IFNA17: variants seen among roughly 807,000 people sequenced by gnomAD.
IFNA17 encodes the protein interferon alpha-17.
For missense variants in IFNA17, 285 were observed against 212.7 expected (o/e 1.34, Z -2.11); for synonymous variants, 107 against 80.5 (o/e 1.33, Z -1.76).
rs770580113 is a variant in IFNA17, at chr9:21,227,918, G to C, written c.256C>G (p.Gln86Glu). Residue 86 changes from glutamine (Q) to glutamate (E), a missense_variant, in exon 1 of 1, where the codon CAG becomes GAG. Coordinates refer to ENST00000413767, the MANE Select transcript of IFNA17 (RefSeq NM_021268.2). The stretch of plus-strand genomic sequence containing the variant: ...TCTGTGCTGAAGAGATTGAAGGTCT[G>C]CTGGATCATCTCATGGAGGACAGAG... Reference protein sequence around the residue: ...AISVLHEMIQQTFNLFSTEDS... With the variant: ...AISVLHEMIQETFNLFSTEDS... The C allele has an allele frequency of 2.5e-5, 41 of 1,613,742 alleles. No homozygotes were observed. The highest frequency in any genetic ancestry group is 3.4e-5 in the Non-Finnish European group (40 of 1,179,874).
At position 21,227,530 on chromosome 9, in the gene IFNA17, T is replaced by C; in HGVS notation, c.*74A>G. On this transcript the variant is annotated 3_prime_UTR_variant, in exon 1 of 1. Coordinates refer to ENST00000413767, the MANE Select transcript of IFNA17 (RefSeq NM_021268.2). The stretch of plus-strand genomic sequence containing the variant: ...CGTGGTGGTTATAGAAGTGAGTCTT[T>C]GAAATGGAGGAACTCATGAAAGTGT... 6.3e-7 allele frequency: 1 copy of C among 1,580,696 alleles called. No homozygotes were observed. Among genetic ancestry groups the C allele is most frequent in the Non-Finnish European group, 8.6e-7 (1 of 1,167,610 alleles).
Position 21,227,947 on chromosome 9 carries a change from G to T in IFNA17, c.227C>A (p.Ala76Asp). 6.2e-7 allele frequency: 1 copy of T among 1,613,948 alleles called. No individual in the cohort carries two copies. The highest frequency in any genetic ancestry group is 1.3e-5 in the African/African-American group (1 of 75,006). ...GATCATCTCATGGAGGACAGAGATG[G>T]CTTGAGTCTTCTGGAACTGGTTGCC... The part of the protein sequence containing the change: ...FDGNQFQKTQ[A>D]ISVLHEMIQQ... The change falls in exon 1 of 1, where the codon GCC becomes GAC. Residue 76 changes from alanine (A) to aspartate (D), a missense_variant. Ala to Asp is a moderately radical substitution (Grantham distance 126). Transcript: ENST00000413767.
rs1307140649 is a variant in IFNA17, at chr9:21,227,308, T to C, written c.*296A>G. 6.1e-6 allele frequency: 1 copy of C among 163,048 alleles called. No individual in the cohort carries two copies. The highest frequency in any genetic ancestry group is 1.3e-5 in the Non-Finnish European group (1 of 74,822). 10.1% of individuals were successfully genotyped at this position (163,048 alleles called of 1,614,324 possible). A position where few individuals can be genotyped will look rare whatever the true frequency, so the allele number is the denominator to read the frequency against. On this transcript the variant is annotated 3_prime_UTR_variant, in exon 1 of 1. Coordinates refer to ENST00000413767, the MANE Select transcript of IFNA17 (RefSeq NM_021268.2). ...GCTAAATATGAAGAACATATATTGT[T>C]ACATTCACCACAATGTAAAGGTACA...
In IFNA17 at chr9:21,228,048, T is replaced by C. The variant is rs1563820770; in HGVS notation, c.126A>G (p.Ala42=). 5.0e-6 allele frequency: 8 copies of C among 1,614,102 alleles called. No individual in the cohort carries two copies. Among genetic ancestry groups the C allele is most frequent in the Non-Finnish European group, 5.9e-6 (7 of 1,180,028 alleles). ...AGAAAGGAGAGATTCTTCCCATTTG[T>C]GCCAGGAGTATCAAGGCCCTCCTAT... The part of the protein sequence containing the change: ...LGNRRALILL[A]QMGRISPFSC... The change falls in exon 1 of 1, where the codon GCA becomes GCG. Residue 42 remains alanine (A), a synonymous_variant. Coordinates refer to ENST00000413767, the MANE Select transcript of IFNA17 (RefSeq NM_021268.2).
At position 21,227,561 on chromosome 9, in the gene IFNA17, A is replaced by G. The variant is rs1399068769; in HGVS notation, c.*43T>C. ...GGAGGAACTCATGAAAGTGTGAGAT[A>G]ATGTATTAGTCAATCAGGATCATTG... On this transcript the variant is annotated 3_prime_UTR_variant, in exon 1 of 1. Coordinates refer to ENST00000413767, the MANE Select transcript of IFNA17 (RefSeq NM_021268.2). The G allele has an allele frequency of 1.2e-6, 2 of 1,601,618 alleles. No individual in the cohort carries two copies. Among genetic ancestry groups the G allele is most frequent in the Non-Finnish European group, 1.7e-6 (2 of 1,176,244 alleles).
chr9:21,227,605 C>G lies in IFNA17; in HGVS notation c.569G>C (p.Ter190SerextTer11), dbSNP rs1308156386. Residue 190 changes from the stop codon to serine, a stop_lost, in exon 1 of 1, where the codon TGA becomes TCA. Coordinates refer to ENST00000413767, the MANE Select transcript of IFNA17 (RefSeq NM_021268.2). The part of the protein sequence containing the change: ...NLQKILRRKD[*>S] ...ATCATTGCCATGTTGAACCAGTTTT[C>G]AATCCTTCCTCCTTAATATTTTTTG... 2 of 1,611,736 alleles carry G rather than the reference C, an allele frequency of 1.2e-6. No individual in the cohort carries two copies. Among genetic ancestry groups the G allele is most frequent in the African/African-American group, 1.3e-5 (1 of 74,826 alleles).
At position 21,227,906 on chromosome 9, in the gene IFNA17, G is replaced by C. The variant is rs1268775921; in HGVS notation, c.268C>G (p.Leu90Val). Residue 90 changes from leucine to valine, a missense_variant, in exon 1 of 1, where the codon CTC becomes GTC. Physicochemically the swap from Leu to Val is conservative, Grantham distance 32. Coordinates refer to ENST00000413767, the MANE Select transcript of IFNA17 (RefSeq NM_021268.2). ...GCAGATGAGTCCTCTGTGCTGAAGAGATTGAAGGTCTGCTGGATCATCTCA... is the reference window on the plus strand; with the variant it reads ...GCAGATGAGTCCTCTGTGCTGAAGACATTGAAGGTCTGCTGGATCATCTCA... The part of the protein sequence containing the change: ...LHEMIQQTFN[L>V]FSTEDSSAAW... 2 of 1,613,858 alleles carry C rather than the reference G, an allele frequency of 1.2e-6. No homozygotes were observed. Among genetic ancestry groups the C allele is most frequent in the Admixed American group, 3.3e-5 (2 of 59,994 alleles).
chr9:21,227,855 T>A, the IFNA17 span: 1 of 1,613,690 alleles, frequency 6.2e-7, no homozygotes, highest in South Asian at 1.1e-5. Context: ...GTGGAAAATT[T>A]TTCTAGGAGG....
Position 21,227,820 on chromosome 9 carries a change from G to T in IFNA17, c.354C>A (p.Asn118Lys), listed in dbSNP as rs745899948. 18 of 1,613,728 alleles carry T rather than the reference G, an allele frequency of 1.1e-5. No homozygotes were observed. The highest frequency in any genetic ancestry group is 1.5e-5 in the Non-Finnish European group (18 of 1,179,920). The change falls in exon 1 of 1, where the codon AAC (asparagine) becomes AAA (lysine). Residue 118 changes from asparagine to lysine, a missense_variant. By Grantham distance (94) the Asn-to-Lys change is moderately conservative. Coordinates refer to ENST00000413767, the MANE Select transcript of IFNA17 (RefSeq NM_021268.2). ...FSTELYQQLN[N>K]LEACVIQEVG... is the part of the protein sequence containing the mutation. ...CCTCCTGTATCACACATGCTTCCAG[G>T]TTATTCAGTTGCTGGTAAAGTTCAG...
Position 21,227,978 on chromosome 9 carries a change from A to C in IFNA17, c.196T>G (p.Phe66Val), listed in dbSNP as rs1563820660. 1 of 1,613,910 alleles carries C rather than the reference A, an allele frequency of 6.2e-7. No homozygotes were observed. Among genetic ancestry groups the C allele is most frequent in the Admixed American group, 1.7e-5 (1 of 59,964 alleles). Residue 66 changes from phenylalanine to valine, a missense_variant, in exon 1 of 1, where the codon TTT (phenylalanine) becomes GTT (valine). Phe to Val is a conservative substitution (Grantham distance 50). Coordinates refer to ENST00000413767, the MANE Select transcript of IFNA17 (RefSeq NM_021268.2). ...GTCTTCTGGAACTGGTTGCCATCAA[A>C]CTCCTCCTGGGGAAGTCCAAAGTCA... ...RHDFGLPQEE[F>V]DGNQFQKTQA... is the part of the protein sequence containing the mutation.
rs1480543524 is a variant in IFNA17 at position 21,227,848 on chromosome 9, G to T, written c.326C>A (p.Ser109Tyr). 19 of 1,613,586 alleles carry T rather than the reference G, an allele frequency of 1.2e-5. No individual in the cohort carries two copies. Among genetic ancestry groups the T allele is most frequent in the Non-Finnish European group, 1.6e-5 (19 of 1,179,888 alleles). The change falls in exon 1 of 1, where the codon TCC (serine) becomes TAC (tyrosine). Residue 109 changes from serine to tyrosine, a missense_variant. Coordinates refer to ENST00000413767, the MANE Select transcript of IFNA17 (RefSeq NM_021268.2). ...ATTCAGTTGCTGGTAAAGTTCAGTG[G>T]AAAATTTTTCTAGGAGGCTCTGTTC... ...AWEQSLLEKFSTELYQQLNNL... is the reference protein window; with the variant it reads ...AWEQSLLEKFYTELYQQLNNL...
In IFNA17 at chr9:21,228,105, G is replaced by T. The variant is rs1818654848; in HGVS notation, c.69C>A (p.Gly23=). 1.4e-5 allele frequency: 22 copies of T among 1,613,998 alleles called. No individual in the cohort carries two copies. The highest frequency in any genetic ancestry group is 1.9e-5 in the Non-Finnish European group (22 of 1,180,022). The change falls in exon 1 of 1, where the codon GGC becomes GGA. Residue 23 remains glycine (G), a synonymous_variant. Coordinates refer to ENST00000413767, the MANE Select transcript of IFNA17 (RefSeq NM_021268.2). ...GGCTGTGGGTCTGAGGCAGATCACA[G>T]CCTAGAGAACAGATGGATTTGTAGC... ...VLSYKSICSL[G]CDLPQTHSLG... is the part of the protein sequence containing the mutation.
rs916061237 is a variant in IFNA17, at chr9:21,227,249, T to C, written c.*355A>G. On this transcript the variant is annotated 3_prime_UTR_variant, in exon 1 of 1. Transcript: ENST00000413767. ...AACAAACACAAGAAATTTTGTATAG[T>C]AAAAATTTAATGAAAAAGGAAATTA... 2.0e-5 allele frequency: 3 copies of C among 152,648 alleles called. No homozygotes were observed. Among genetic ancestry groups the C allele is most frequent in the Non-Finnish European group, 2.9e-5 (2 of 68,406 alleles). The allele number at this position is 152,648 out of a possible 1,614,324, so 9.5% of individuals were successfully genotyped here.
At position 21,228,028 on chromosome 9, in the gene IFNA17, G is replaced by T. The variant is rs142331961; in HGVS notation, c.146C>A (p.Pro49His). 1.2e-4 allele frequency: 193 copies of T among 1,613,876 alleles called. 1 individual carries two copies. Among genetic ancestry groups the T allele is most frequent in the East Asian group, 4.5e-4 (20 of 44,846 alleles). ...ATGTCTGTCCTTCAGGCAGGAGAAA[G>T]GAGAGATTCTTCCCATTTGTGCCAG... ...ILLAQMGRIS[P>H]FSCLKDRHDF... The change falls in exon 1 of 1, where the codon CCT becomes CAT. Residue 49 changes from proline to histidine, a missense_variant. By Grantham distance (77) the Pro-to-His change is moderately conservative. Transcript: ENST00000413767.
Position 21,227,447 on chromosome 9 carries a change from C to T in IFNA17, c.*157G>A. 9.4e-7 allele frequency: 1 copy of T among 1,060,452 alleles called. No individual in the cohort carries two copies. The highest frequency in any genetic ancestry group is 1.6e-5 in the South Asian group (1 of 60,896). The allele number at this position is 1,060,452 out of a possible 1,614,324, so 65.7% of individuals were successfully genotyped here. On this transcript the variant is annotated 3_prime_UTR_variant, in exon 1 of 1. Transcript: ENST00000413767. Reference sequence around the variant, plus strand: ...CATCTGTAAAGTACTAGTGCCTGCACAGGTATACACGACGCTTCTTTACAC... The same window carrying T: ...CATCTGTAAAGTACTAGTGCCTGCATAGGTATACACGACGCTTCTTTACAC...
In IFNA17 at chr9:21,227,971, C is replaced by T. The variant is rs149908829; in HGVS notation, c.203G>A (p.Gly68Asp). The change falls in exon 1 of 1, where the codon GGC (glycine) becomes GAC (aspartate). Residue 68 changes from glycine (G) to aspartate (D), a missense_variant. By Grantham distance (94) the Gly-to-Asp change is moderately conservative (BLOSUM62 -1). Coordinates refer to ENST00000413767, the MANE Select transcript of IFNA17 (RefSeq NM_021268.2). ...DFGLPQEEFD[G>D]NQFQKTQAIS... is the part of the protein sequence containing the mutation. Reference sequence around the variant, plus strand: ...GGCTTGAGTCTTCTGGAACTGGTTGCCATCAAACTCCTCCTGGGGAAGTCC... The same window carrying T: ...GGCTTGAGTCTTCTGGAACTGGTTGTCATCAAACTCCTCCTGGGGAAGTCC... 2.5e-6 allele frequency: 4 copies of T among 1,613,810 alleles called. No individual in the cohort carries two copies. The highest frequency in any genetic ancestry group is 3.4e-6 in the Non-Finnish European group (4 of 1,179,960).
Position 21,227,436 on chromosome 9 carries a change from T to G in IFNA17, c.*168A>C, listed in dbSNP as rs1347340715. On this transcript the variant is annotated 3_prime_UTR_variant, in exon 1 of 1. Coordinates refer to ENST00000413767, the MANE Select transcript of IFNA17 (RefSeq NM_021268.2). Reference sequence around the variant, plus strand: ...ATCAGCATGGTCATCTGTAAAGTACTAGTGCCTGCACAGGTATACACGACG... The same window carrying G: ...ATCAGCATGGTCATCTGTAAAGTACGAGTGCCTGCACAGGTATACACGACG... 6 of 868,362 alleles carry G rather than the reference T, an allele frequency of 6.9e-6. No individual in the cohort carries two copies. Among genetic ancestry groups the G allele is most frequent in the Non-Finnish European group, 1.1e-5 (6 of 564,700 alleles). 53.8% of individuals were successfully genotyped at this position (868,362 alleles called of 1,614,324 possible).
In IFNA17 at chr9:21,228,070, C is replaced by G; in HGVS notation, c.104G>C (p.Arg35Thr). ...DLPQTHSLGN[R>T]RALILLAQMG... The stretch of plus-strand genomic sequence containing the variant: ...TTGTGCCAGGAGTATCAAGGCCCTC[C>G]TATTACCCAGGCTGTGGGTCTGAGG... Residue 35 changes from arginine (R) to threonine (T), a missense_variant, in exon 1 of 1, where the codon AGG (arginine) becomes ACG (threonine). By Grantham distance (71) the Arg-to-Thr change is moderately conservative. Transcript: ENST00000413767. 6.2e-7 allele frequency: 1 copy of G among 1,614,064 alleles called. No individual in the cohort carries two copies.
Position 21,227,503 on chromosome 9 carries a change from C to T in IFNA17, c.*101G>A, listed in dbSNP as rs187407002. The T allele has an allele frequency of 2.9e-4, 446 of 1,543,544 alleles. 3 individuals are homozygous for T. The East Asian group carries it at 9.0e-3, about 31-fold the overall frequency. ...AAAACATTTGAAAATTTTGATTCAACTCGTGGTGGTTATAGAAGTGAGTCT... is the reference window on the plus strand; with the variant it reads ...AAAACATTTGAAAATTTTGATTCAATTCGTGGTGGTTATAGAAGTGAGTCT... On this transcript the variant is annotated 3_prime_UTR_variant, in exon 1 of 1. Transcript: ENST00000413767.
Sources: gnomAD v4.1 joint callset for allele counts on GRCh38, gnomAD v4.1.1 for gene constraint, MANE v1.5 for transcripts, NCBI Gene and HGNC (gene_info 2026-07-23, HGNC 2026-07-21) for gene names.